The following NPTX2 variants were observed in gnomAD, a reference collection of about 807,000 sequenced individuals.
NPTX2 encodes the protein neuronal pentraxin 2, also known as neuronal pentraxin-2.
In NPTX2, 23 loss-of-function variants were observed where a neutral mutation model predicts 38.1. The ratio of observed to expected loss-of-function variants is 0.60; its 90% CI spans 0.43 to 0.85. The LOEUF is 0.85. NPTX2 is among the 40% of genes least tolerant of loss of function. NPTX2 has a pLI of 0.00. For synonymous variants in NPTX2, 291 were observed against 287.3 expected (o/e 1.01, Z -0.13); for missense variants, 553 against 615.3 (o/e 0.90, Z 1.07).
chr7:98,621,019 G>A (rs1191163043), intron 2 of NPTX2, among the ~76,000 whole-genome samples: 1 of 152,142 alleles, frequency 6.6e-6, no homozygotes, highest in Non-Finnish European at 1.5e-5. Flanking sequence ...CGTTCTCAGT[G>A]GGACATGTAT....
chr7:98,621,404 C>T (rs1026181835), intron 2 of NPTX2, among the ~76,000 whole-genome samples: 7 of 152,186 alleles, frequency 4.6e-5, no homozygotes, highest in African/African-American at 1.7e-4. Flanking sequence ...GCAGCCCAGC[C>T]TCTCTTCATC....
chr7:98,619,959 C>A, intron 2 of NPTX2, 100 bp downstream of exon 2: 2 of 1,030,398 alleles, frequency 1.9e-6, no homozygotes, highest in Admixed American at 2.0e-5. Flanking sequence ...GATTGTGACA[C>A]CACATGGGCC....
intron 3 of NPTX2, among the ~76,000 whole-genome samples, chr7:98,626,146 CA>C (rs561364197): frequency 0.052 from 3,734 of 71,192 alleles, 68 homozygotes; most frequent in African/African-American, 0.12. Context: ...TACCCTGTCT[CA>C]AAAAAAAAAA....
intron 3 of NPTX2, among the ~76,000 whole-genome samples, chr7:98,626,021 C>G (rs562627813): frequency 1.3e-5 from 2 of 152,018 alleles, no homozygotes; most frequent in South Asian, 4.2e-4. Flanking sequence ...TGGTGTGCAC[C>G]TGTAGTTCCA....
At chr7:98,627,107 TG>T (rs1172317018) in intron 3 of NPTX2, 57 bp from the exon 4 acceptor site, 31 of 1,268,546 alleles carry the variant, frequency 2.4e-5, no homozygotes, top group Middle Eastern at 2.2e-4. Flanking sequence ...CTTCCTGCCC[TG>T]GGGGACCCTG....
At chr7:98,622,010 G>A (rs988215312) in intron 2 of NPTX2, among the ~76,000 whole-genome samples, 4 of 152,226 alleles carry the variant, frequency 2.6e-5, no homozygotes, top group African/African-American at 7.2e-5. Context: ...GCCACCCGGG[G>A]CCCAGGGTTG....
chr7:98,618,564 CTCTCT>C (rs1791215536), intron 1 of NPTX2, among the ~76,000 whole-genome samples: 1 of 84,666 alleles, frequency 1.2e-5, no homozygotes, highest in African/African-American at 7.2e-5. Flanking sequence ...TTCTCTCTCT[CTCTCT>C]CCCCCCCTCC....
At chr7:98,627,525 C>T (rs1791372994) in intron 4 of NPTX2, among the ~76,000 whole-genome samples, 181 bp downstream of exon 4, 1 of 152,230 alleles carries the variant, frequency 6.6e-6, no homozygotes. Context: ...AGTGTCCTGA[C>T]AGCCAGGTCG....
chr7:98,622,519 G>A (rs1009985667), intron 2 of NPTX2, among the ~76,000 whole-genome samples: 4 of 152,236 alleles, frequency 2.6e-5, no homozygotes, highest in East Asian at 3.8e-4. Context: ...GCTAAGTGTC[G>A]TGGAAAGAGG....
At chr7:98,624,609 C>T (rs966300980) in intron 2 of NPTX2, among the ~76,000 whole-genome samples, 1 of 152,140 alleles carries the variant, frequency 6.6e-6, no homozygotes, top group African/African-American at 2.4e-5. Context: ...TTCCCTCCCC[C>T]GGCCACTCCC....
chr7:98,629,154 A>G lies in NPTX2; in HGVS notation c.*525A>G, dbSNP rs1015211791. 6.6e-6 allele frequency: 1 copy of G among 152,382 alleles called. No individual in the cohort carries two copies. The allele number at this position is 152,382 out of a possible 1,614,324, so 9.4% of individuals were successfully genotyped here. On this transcript the variant is annotated 3_prime_UTR_variant, in exon 5 of 5. Transcript: ENST00000265634. ...GGGCCTCTCCCTTTGTGTTCTATAC[A>G]TTGTGAATCTTCCCGTCTGAAGAAC...
intron 2 of NPTX2, 41 bp from the exon 3 acceptor site, chr7:98,624,881 G>A (rs1382872946): frequency 1.9e-6 from 3 of 1,584,688 alleles, no homozygotes; most frequent in African/African-American, 1.3e-5. Flanking sequence ...GTGGTGGGGT[G>A]GCCTAACGCA....
rs1791391578 is a variant in NPTX2, at chr7:98,628,556, A to G, written c.1223A>G (p.Asn408Ser). Residue 408 changes from asparagine (N) to serine (S), a missense_variant, in exon 5 of 5, where the codon AAT becomes AGT. Coordinates refer to ENST00000265634, the MANE Select transcript of NPTX2 (RefSeq NM_002523.3). ...GGCAACATCATCCCGTGGGTGGACA[A>G]TAACGTCGATGTGTTCGGAGGGGCC... ...MPGNIIPWVD[N>S]NVDVFGGASK... 15 of 1,611,592 alleles carry G rather than the reference A, an allele frequency of 9.3e-6. No homozygotes were observed. The highest frequency in any genetic ancestry group is 1.3e-5 in the African/African-American group (1 of 74,906).
rs377548219 is a variant in NPTX2, at chr7:98,627,226, C to T, written c.950C>T (p.Thr317Met). 27 of 1,612,836 alleles carry T rather than the reference C, an allele frequency of 1.7e-5. No homozygotes were observed. In the Middle Eastern group the frequency reaches 5.0e-4, roughly 30 times the overall value. The change falls in exon 4 of 5, where the codon ACG becomes ATG. Residue 317 changes from threonine (T) to methionine (M), a missense_variant. Physicochemically the swap from Thr to Met is moderately conservative, Grantham distance 81. Transcript: ENST00000265634. ...GKWHHICVTW[T>M]TRDGMWEAFQ... Reference sequence around the variant, plus strand: ...TGGCACCACATCTGTGTCACCTGGACGACACGGGATGGCATGTGGGAGGCA... The same window carrying T: ...TGGCACCACATCTGTGTCACCTGGATGACACGGGATGGCATGTGGGAGGCA...
chr7:98,626,361 T>C (rs1254862220), intron 3 of NPTX2, among the ~76,000 whole-genome samples: 2 of 137,300 alleles, frequency 1.5e-5, no homozygotes, highest in African/African-American at 5.2e-5. Context: ...TCACTCTGTT[T>C]GTCCTCACTG....
At chr7:98,626,746 G>T (rs2115632204) in intron 3 of NPTX2, among the ~76,000 whole-genome samples, 1 of 151,234 alleles carries the variant, frequency 6.6e-6, no homozygotes, top group Non-Finnish European at 1.5e-5. Flanking sequence ...CCGCTGCGCA[G>T]GGAGGACGGG....
chr7:98,622,151 C>T (rs1014916023), intron 2 of NPTX2, among the ~76,000 whole-genome samples: 1 of 152,254 alleles, frequency 6.6e-6, no homozygotes, highest in South Asian at 2.1e-4. Context: ...GCCTCTCTTC[C>T]AGCCCCAGGC....
At chr7:98,625,709 C>G (rs1352440121) in intron 3 of NPTX2, among the ~76,000 whole-genome samples, 1 of 151,524 alleles carries the variant, frequency 6.6e-6, no homozygotes, top group Non-Finnish European at 1.5e-5. Flanking sequence ...CCCCCCAAAA[C>G]CCCCTCATAC....
chr7:98,619,531 C>T (rs1791237165), intron 1 of NPTX2, 112 bp from the exon 2 acceptor site: 3 of 855,022 alleles, frequency 3.5e-6, no homozygotes, highest in South Asian at 1.5e-5. Flanking sequence ...TGGCAAGATT[C>T]AGGGCTTGCG....
Sources: gnomAD v4.1 joint callset for allele counts (sites outside exome capture counted in the v4.1 genomes callset) on GRCh38, gnomAD v4.1.1 for gene constraint, MANE v1.5 for transcripts, NCBI Gene and HGNC (gene_info 2026-07-23, HGNC 2026-07-21) for gene names.